The following MICU1 variants were observed in gnomAD, a reference collection of about 807,000 sequenced individuals.
MICU1 encodes the protein calcium uptake protein 1, mitochondrial.
Under a neutral mutation model 56.8 loss-of-function variants are expected in MICU1, and 45 were observed. That is an observed-to-expected ratio of 0.79 (90% CI 0.62 to 1.02). The LOEUF (loss-of-function observed/expected upper bound fraction) is 1.02, where lower values mean the gene tolerates loss of function less well. MICU1 is among the 50% of genes least tolerant of loss of function. The pLI, the probability that MICU1 is intolerant of heterozygous loss-of-function variation, is 0.00. For synonymous variants in MICU1, 186 were observed against 195.1 expected, an observed-to-expected ratio of 0.95 and a Z score of 0.39; for missense variants, 504 against 587.1, an observed-to-expected ratio of 0.86 and a Z score of 1.46.
chr10:72,464,092 T>C (rs1039130779), intron 8 of MICU1, among the ~76,000 whole-genome samples: 5 of 151,982 alleles, frequency 3.3e-5, no homozygotes, highest in Admixed American at 6.6e-5. Context: ...GGTCAGGAGT[T>C]CAAGACCAGC....
intron 6 of MICU1, among the ~76,000 whole-genome samples, chr10:72,478,738 G>C (rs78531657): frequency 0.043 from 6,475 of 152,234 alleles, 441 homozygotes; most frequent in African/African-American, 0.15. Context: ...TAGTTGCCTG[G>C]GTGAATCATG....
chr10:72,499,017 T>G (rs1441411455), intron 6 of MICU1, among the ~76,000 whole-genome samples: 1 of 152,182 alleles, frequency 6.6e-6, no homozygotes, highest in Non-Finnish European at 1.5e-5. Context: ...AAGAATATTA[T>G]TATTTTCAAA....
intron 8 of MICU1, among the ~76,000 whole-genome samples, chr10:72,447,210 G>C (rs950806385): frequency 6.6e-6 from 1 of 152,128 alleles, no homozygotes; most frequent in Admixed American, 6.6e-5. Context: ...TATGTATGGG[G>C]CACAAATAGG....
chr10:72,465,796 G>A (rs897340617), intron 8 of MICU1, among the ~76,000 whole-genome samples: 3 of 152,058 alleles, frequency 2.0e-5, no homozygotes, highest in African/African-American at 4.8e-5. Flanking sequence ...TTACAGACAT[G>A]AGCCACCATG....
chr10:72,561,629 T>C (rs1840297858), intron 3 of MICU1, among the ~76,000 whole-genome samples: 1 of 152,148 alleles, frequency 6.6e-6, no homozygotes, highest in African/African-American at 2.4e-5. Context: ...CTAGCCAACA[T>C]GGTGAAACTC....
intron 1 of MICU1, among the ~76,000 whole-genome samples, chr10:72,583,899 T>C (rs1054859300): frequency 6.6e-6 from 1 of 152,130 alleles, no homozygotes; most frequent in Admixed American, 6.5e-5. Flanking sequence ...ACACAATAAA[T>C]GAGAAAAGCT....
chr10:72,606,236 G>A (rs552903620), intron 1 of MICU1, among the ~76,000 whole-genome samples: 1 of 152,122 alleles, frequency 6.6e-6, no homozygotes, highest in East Asian at 1.9e-4. Flanking sequence ...GTAAGGCTGG[G>A]CACGGTGGCT....
intron 1 of MICU1, among the ~76,000 whole-genome samples, chr10:72,617,023 C>T (rs1444103038): frequency 6.6e-6 from 1 of 152,206 alleles, no homozygotes; most frequent in African/African-American, 2.4e-5. Context: ...CTCTCCTTTG[C>T]TGCACAATGT....
At chr10:72,600,148 G>A (rs1051795398) in intron 1 of MICU1, among the ~76,000 whole-genome samples, 12 of 150,990 alleles carry the variant, frequency 7.9e-5, no homozygotes, top group African/African-American at 2.2e-4. Flanking sequence ...AAAAATTAGC[G>A]GGACATGATG....
chr10:72,508,291 C>T lies in MICU1; in HGVS notation c.538-22G>A, dbSNP rs2132348089. 5 of 1,108,046 alleles carry T rather than the reference C, an allele frequency of 4.5e-6. No homozygotes were observed. In the South Asian group the frequency reaches 5.6e-5, roughly 12 times the overall value. The allele number at this position is 1,108,046 out of a possible 1,614,324, so 68.6% of individuals were successfully genotyped here. Reference sequence around the variant, plus strand: ...TTTTCTATAGAATGTATGGGTCCCACCAAAAGACAAAAATATATAAGTGAA... The same window carrying T: ...TTTTCTATAGAATGTATGGGTCCCATCAAAAGACAAAAATATATAAGTGAA... On this transcript the variant is annotated intron_variant, in intron 5 of 11. Coordinates refer to ENST00000361114, the MANE Select transcript of MICU1 (RefSeq NM_001195518.2).
At chr10:72,461,536 T>C (rs1255170114) in intron 8 of MICU1, among the ~76,000 whole-genome samples, 1 of 152,258 alleles carries the variant, frequency 6.6e-6, no homozygotes. Flanking sequence ...TGCAAGTATT[T>C]CTTGTTCATT....
intron 4 of MICU1, among the ~76,000 whole-genome samples, chr10:72,535,285 C>T (rs759028873): frequency 5.9e-5 from 9 of 151,858 alleles, no homozygotes; most frequent in Admixed American, 1.3e-4. Flanking sequence ...GTGATCCACC[C>T]GCCTCAGCCT....
At chr10:72,586,013 C>CTTTTTTTTTTT (rs71021511) in intron 1 of MICU1, among the ~76,000 whole-genome samples, 56 of 74,710 alleles carry the variant, frequency 7.5e-4, no homozygotes, top group East Asian at 1.3e-3. Flanking sequence ...TTTTTTTTTT[C>CTTTTTTTTTTT]TTTTTTTTTT....
rs1200135671 is a variant in MICU1, at chr10:72,367,698, G to A, written c.*497C>T. 1 of 155,848 alleles carries A rather than the reference G, an allele frequency of 6.4e-6. No individual in the cohort carries two copies. Among genetic ancestry groups the A allele is most frequent in the South Asian group, 2.0e-4 (1 of 5,094 alleles). 9.7% of individuals were successfully genotyped at this position (155,848 alleles called of 1,614,324 possible). On this transcript the variant is annotated 3_prime_UTR_variant, in exon 12 of 12. Coordinates refer to ENST00000361114, the MANE Select transcript of MICU1 (RefSeq NM_001195518.2). ...CCTGGGGCGCAGGCTTCTCACACTA[G>A]CGTAGGGTGCCTAGGTCATCCTCAT...
At chr10:72,580,000 G>T (rs934236463) in intron 1 of MICU1, among the ~76,000 whole-genome samples, 3 of 151,382 alleles carry the variant, frequency 2.0e-5, no homozygotes, top group Non-Finnish European at 4.4e-5. Context: ...TAATCAACCT[G>T]TGTCATCAAT....
chr10:72,528,626 C>G, intron 5 of MICU1: 1 of 159,450 alleles, frequency 6.3e-6, no homozygotes. Flanking sequence ...AAACCCTGTC[C>G]CATGAGACTT....
chr10:72,432,158 A>T lies in MICU1; in HGVS notation c.934-8787T>A, dbSNP rs139848406. 1.7e-3 allele frequency among the ~76,000 whole-genome samples: 252 copies of T among 145,698 alleles called. 2 individuals are homozygous for T. Among genetic ancestry groups the T allele is most frequent in the African/African-American group, 5.9e-3 (230 of 39,244 alleles). On this transcript the variant is annotated intron_variant, in intron 8 of 11. Transcript: ENST00000361114. The stretch of plus-strand genomic sequence containing the variant: ...ACCCAGGCTGCAGCACAGTGGTGTG[A>T]TCAACACTTAATGCAGCCTCAACTT...
chr10:72,458,280 A>G (rs747154331), intron 8 of MICU1, among the ~76,000 whole-genome samples: 1 of 152,206 alleles, frequency 6.6e-6, no homozygotes, highest in Non-Finnish European at 1.5e-5. Context: ...AACACTCTGT[A>G]TTAATGTTAT....
intron 1 of MICU1, among the ~76,000 whole-genome samples, chr10:72,595,259 C>T (rs1320384189): frequency 6.6e-6 from 1 of 151,468 alleles, no homozygotes; most frequent in Non-Finnish European, 1.5e-5. Context: ...TGAGACCAGC[C>T]TGGCCAACAT....
Sources: allele counts gnomAD v4.1 joint callset (sites outside exome capture counted in the v4.1 genomes callset), GRCh38; gene constraint gnomAD v4.1.1; transcripts MANE v1.5; gene names NCBI Gene and HGNC (gene_info 2026-07-23, HGNC 2026-07-21).